Variants in SLIT1 observed in about 807,000 individuals in gnomAD.
SLIT1 encodes slit guidance ligand 1.
In SLIT1, 66 loss-of-function variants were observed where a neutral mutation model predicts 186.1. The ratio of observed to expected loss-of-function variants is 0.35; its 90% CI spans 0.29 to 0.44. The LOEUF (loss-of-function observed/expected upper bound fraction) is 0.44, where lower values mean the gene tolerates loss of function less well. SLIT1 is among the 20% of genes least tolerant of loss of function. The probability of loss-of-function intolerance (pLI) is 1.00; values close to 1 mark genes in which losing one functional copy is unlikely to be tolerated. For synonymous variants in SLIT1, 761 were observed against 833.8 expected (o/e 0.91, Z 1.50); for missense variants, 1,638 against 2,037.4 (o/e 0.80, Z 3.77).
intron 2 of SLIT1, 102 bp downstream of exon 2, chr10:97,164,717 G>C (rs1241242651): frequency 1.3e-5 from 11 of 849,774 alleles, no homozygotes; most frequent in Non-Finnish European, 2.2e-5. Flanking sequence ...CGTGGTAGAG[G>C]GGCCCAGACA....
chr10:97,010,846 G>T lies in SLIT1; in HGVS notation c.3341+147C>A. 1 of 720,818 alleles carries T rather than the reference G, an allele frequency of 1.4e-6. No individual in the cohort carries two copies. Among genetic ancestry groups the T allele is most frequent in the Non-Finnish European group, 2.3e-6 (1 of 438,988 alleles). 44.7% of individuals were successfully genotyped at this position (720,818 alleles called of 1,614,324 possible). ...ACTTTCCCAAGGCTGCACAGCTGGT[G>T]ACTGGCAGAGCCACGGTTAAAACCC... On this transcript the variant is annotated intron_variant, in intron 31 of 36. Transcript: ENST00000266058. This position sits in a 1 kb window ranked among gnomAD's most constrained non-coding sequence, Gnocchi z 4.8.
chr10:97,183,285 C>T lies in SLIT1; in HGVS notation c.197+2193G>A, dbSNP rs1056686701. On this transcript the variant is annotated intron_variant, in intron 1 of 36. Transcript: ENST00000266058. ...CCTTGAGGACAGGGATGGGCTCACT[C>T]CCTGCTGACGCCTCAGCACCCAGGG... 3.3e-5 allele frequency among the ~76,000 whole-genome samples: 5 copies of T among 152,198 alleles called. No individual in the cohort carries two copies. The South Asian group carries it at 6.2e-4, about 19-fold the overall frequency.
rs77475477 is a variant in SLIT1, at chr10:97,005,760, G to A, written c.3579+723C>T. Among the ~76,000 whole-genome samples, 1,042 of 152,300 alleles carry A rather than the reference G, an allele frequency of 6.8e-3. 4 individuals are homozygous for A. Among genetic ancestry groups the A allele is most frequent in the Non-Finnish European group, 0.012 (790 of 68,024 alleles). On this transcript the variant is annotated intron_variant, in intron 32 of 36. Coordinates refer to ENST00000266058, the MANE Select transcript of SLIT1 (RefSeq NM_003061.3). ...TAGGATGTTGGAGAGGTGACGTAGG[G>A]GAAGAGAGCAGAATGCGCATGTTTG... is the stretch of plus-strand genomic sequence containing the variant.
At position 97,185,676 on chromosome 10, in the gene SLIT1, G is replaced by A. The variant is rs1850404100; in HGVS notation, c.-2C>T. 6.6e-7 allele frequency: 1 copy of A among 1,521,032 alleles called. No homozygotes were observed. Among genetic ancestry groups the A allele is most frequent in the African/African-American group, 1.4e-5 (1 of 70,492 alleles). 94.2% of individuals were successfully genotyped at this position (1,521,032 alleles called of 1,614,324 possible). ...CCCCCACCCGGGAGTCAGCGCCATG[G>A]TGCCCTCACAGCGTCCCGCTCGCGA... is the stretch of plus-strand genomic sequence containing the variant. On this transcript the variant is annotated 5_prime_UTR_variant, in exon 1 of 37. Transcript: ENST00000266058.
chr10:97,064,083 G>T, intron 7 of SLIT1, 85 bp downstream of exon 7: 2 of 1,150,758 alleles, frequency 1.7e-6, no homozygotes, highest in Non-Finnish European at 2.6e-6. Flanking sequence ...TGACCTGTCT[G>T]CAAAACCTTC....
At chr10:97,090,911 C>T (rs1182454578) in intron 4 of SLIT1, among the ~76,000 whole-genome samples, 2 of 152,238 alleles carry the variant, frequency 1.3e-5, no homozygotes, top group African/African-American at 4.8e-5. Context: ...AAGCAAGCCC[C>T]TGGGGCAGCC....
chr10:97,021,143 C>T lies in SLIT1; in HGVS notation c.2746+107G>A. ...GGTGCCTTGTTCCTGTCCCCTGACCCCCCGCCCAGCGGTCACCACAGGGAC... is the reference window on the plus strand; with the variant it reads ...GGTGCCTTGTTCCTGTCCCCTGACCTCCCGCCCAGCGGTCACCACAGGGAC... On this transcript the variant is annotated intron_variant, in intron 26 of 36. Transcript: ENST00000266058. This position sits in a 1 kb window ranked among gnomAD's most constrained non-coding sequence, Gnocchi z 4.5. The T allele has an allele frequency of 1.8e-6, 2 of 1,119,830 alleles. No homozygotes were observed. The highest frequency in any genetic ancestry group is 2.5e-6 in the Non-Finnish European group (2 of 796,290). The allele number at this position is 1,119,830 out of a possible 1,614,324, so 69.4% of individuals were successfully genotyped here. A position where few individuals can be genotyped will look rare whatever the true frequency, so the allele number is the denominator to read the frequency against.
intron 4 of SLIT1, among the ~76,000 whole-genome samples, chr10:97,067,940 G>T (rs1010042573): frequency 2.0e-5 from 3 of 152,138 alleles, no homozygotes; most frequent in African/African-American, 7.2e-5. Context: ...GAACTGTCAA[G>T]GCCGCCGCTG....
chr10:97,114,062 T>C (rs988543143), intron 4 of SLIT1, among the ~76,000 whole-genome samples: 2 of 152,102 alleles, frequency 1.3e-5, no homozygotes, highest in African/African-American at 4.8e-5. Context: ...GGGACTGTCC[T>C]AGCAAGGCAG....
chr10:97,009,926 A>C (rs1589361693), intron 31 of SLIT1, among the ~76,000 whole-genome samples: 1 of 152,250 alleles, frequency 6.6e-6, no homozygotes, highest in African/African-American at 2.4e-5. Flanking sequence ...TCAAAACCAC[A>C]GTGAGCTACC....
intron 4 of SLIT1, among the ~76,000 whole-genome samples, chr10:97,142,073 G>A (rs987761876): frequency 1.3e-5 from 2 of 152,018 alleles, no homozygotes; most frequent in Non-Finnish European, 2.9e-5. Context: ...AAAGTGCTGG[G>A]ATTACAGGCA....
In SLIT1 at chr10:97,034,488, C is replaced by T. The variant is rs1168943832; in HGVS notation, c.2421G>A (p.Met807Ile). 6.2e-7 allele frequency: 1 copy of T among 1,613,716 alleles called. No homozygotes were observed. The highest frequency in any genetic ancestry group is 1.7e-5 in the Admixed American group (1 of 60,000). ...SSLSNSSFTN[M>I]SQLTTLILSY... The stretch of plus-strand genomic sequence containing the variant: ...GGACTCACAGAGTGGTCAGCTGGCT[C>T]ATGTTGGTGAAGGAGGAATTGCTTA... The change falls in exon 23 of 37, where the codon ATG (methionine) becomes ATA (isoleucine). Residue 807 changes from methionine to isoleucine, a missense_variant. Met to Ile is a conservative substitution (Grantham distance 10). Coordinates refer to ENST00000266058, the MANE Select transcript of SLIT1 (RefSeq NM_003061.3).
chr10:97,058,063 G>T (rs975483943), intron 11 of SLIT1: 1 of 717,404 alleles, frequency 1.4e-6, no homozygotes, highest in Non-Finnish European at 2.6e-6. Context: ...AGTGGGAGCT[G>T]TGTGTGCCTG....
intron 21 of SLIT1, among the ~76,000 whole-genome samples, chr10:97,039,505 C>T (rs990396577): frequency 6.6e-6 from 1 of 152,186 alleles, no homozygotes; most frequent in Non-Finnish European, 1.5e-5. Context: ...ACGCACCGCT[C>T]TCTGACTGGC....
intron 21 of SLIT1, among the ~76,000 whole-genome samples, chr10:97,038,227 C>G (rs1046023453): frequency 6.6e-6 from 1 of 152,194 alleles, no homozygotes; most frequent in African/African-American, 2.4e-5. Context: ...CTCATTCCAT[C>G]AGCACCCCTC....
At chr10:97,115,799 C>T (rs564600237) in intron 4 of SLIT1, among the ~76,000 whole-genome samples, 2 of 152,344 alleles carry the variant, frequency 1.3e-5, no homozygotes, top group East Asian at 3.9e-4. Flanking sequence ...CTCTGCCCTT[C>T]CTTCTGAGGA....
At chr10:97,132,984 G>A (rs1169862758) in intron 4 of SLIT1, among the ~76,000 whole-genome samples, 1 of 152,172 alleles carries the variant, frequency 6.6e-6, no homozygotes, top group Admixed American at 6.5e-5. Flanking sequence ...CCCTCCTGAG[G>A]TTTAGATGAA....
chr10:97,137,749 C>T (rs11189010), intron 4 of SLIT1, among the ~76,000 whole-genome samples: 22,903 of 152,062 alleles, frequency 0.15, 2,328 homozygotes, highest in Non-Finnish European at 0.23. Context: ...CCATCCCCAG[C>T]TAATTTTTGT....
Position 97,002,980 on chromosome 10 carries a change from T to G in SLIT1, c.3878A>C (p.Asp1293Ala). Reference protein sequence around the residue: ...APLYVGGMPVDVNSAAFRLWQ... With the variant: ...APLYVGGMPVAVNSAAFRLWQ... Reference sequence around the variant, plus strand: ...CAGGCGGAAGGCAGCTGAGTTGACATCCACGGGCATCCCTGGGGTAGGGGA... The same window carrying G: ...CAGGCGGAAGGCAGCTGAGTTGACAGCCACGGGCATCCCTGGGGTAGGGGA... Residue 1293 changes from aspartate (D) to alanine (A), a missense_variant, in exon 35 of 37, where the codon GAT becomes GCT. Asp to Ala is a moderately radical substitution (Grantham distance 126). Around this residue, in one of 3 missense-constraint regions of SLIT1, gnomAD observed 173 missense variants for 290.9 expected, o/e 0.59. Coordinates refer to ENST00000266058, the MANE Select transcript of SLIT1 (RefSeq NM_003061.3). 6.2e-7 allele frequency: 1 copy of G among 1,613,330 alleles called. No individual in the cohort carries two copies. Among genetic ancestry groups the G allele is most frequent in the Non-Finnish European group, 8.5e-7 (1 of 1,179,424 alleles).
Sources: allele counts gnomAD v4.1 joint callset (sites outside exome capture counted in the v4.1 genomes callset), GRCh38; gene constraint gnomAD v4.1.1; regional missense constraint gnomAD v4.1.1; non-coding constraint Gnocchi (gnomAD v3.1); transcripts MANE v1.5; gene names NCBI Gene and HGNC (gene_info 2026-07-23, HGNC 2026-07-21).